LOC128125817: variants seen among roughly 807,000 people sequenced by gnomAD.
the LOC128125817 span, among the ~76,000 whole-genome samples, chr1:41,602,100 G>A: frequency 1.3e-5 from 2 of 152,094 alleles, no homozygotes; most frequent in Non-Finnish European, 2.9e-5. Context: ...ATCCCACTTG[G>A]TCATGGTGTA....
the LOC128125817 span, among the ~76,000 whole-genome samples, chr1:41,612,547 G>C: frequency 1.1e-4 from 16 of 152,306 alleles, no homozygotes; most frequent in South Asian, 2.9e-3. Flanking sequence ...TGAGGAAACA[G>C]AGGTTCAGAG....
chr1:41,595,038 C>A, the LOC128125817 span, among the ~76,000 whole-genome samples: 1 of 152,344 alleles, frequency 6.6e-6, no homozygotes, highest in East Asian at 1.9e-4. Context: ...AGCACAGGTT[C>A]TAGCCCTATT....
chr1:41,598,294 A>T, the LOC128125817 span, among the ~76,000 whole-genome samples: 5 of 152,144 alleles, frequency 3.3e-5, no homozygotes, highest in Admixed American at 2.0e-4. Context: ...CTTTGATGGC[A>T]TTTTGTTTCT....
At chr1:41,623,990 C>T in the LOC128125817 span, among the ~76,000 whole-genome samples, 23 of 152,002 alleles carry the variant, frequency 1.5e-4, no homozygotes, top group Non-Finnish European at 2.4e-4. Flanking sequence ...TTCAAAGGCG[C>T]GGGCCAGAGG....
the LOC128125817 span, among the ~76,000 whole-genome samples, chr1:41,613,635 T>C: frequency 1.3e-5 from 2 of 152,268 alleles, no homozygotes; most frequent in African/African-American, 4.8e-5. Flanking sequence ...AAACTTTGAG[T>C]ATCTTTCTCA....
At chr1:41,585,501 G>C in the LOC128125817 span, among the ~76,000 whole-genome samples, 1 of 152,130 alleles carries the variant, frequency 6.6e-6, no homozygotes, top group African/African-American at 2.4e-5. Context: ...TCCAAGCCCT[G>C]CAATTCTTTC....
the LOC128125817 span, among the ~76,000 whole-genome samples, chr1:41,618,244 C>A: frequency 6.6e-6 from 1 of 152,376 alleles, no homozygotes; most frequent in African/African-American, 2.4e-5. Context: ...GGCTGCCACA[C>A]AGAAGAGTCT....
At chr1:41,621,433 G>A in the LOC128125817 span, among the ~76,000 whole-genome samples, 1 of 152,240 alleles carries the variant, frequency 6.6e-6, no homozygotes, top group Non-Finnish European at 1.5e-5. Flanking sequence ...TGTCTCCCAA[G>A]GGAGGGCCTG....
chr1:41,589,935 G>C, the LOC128125817 span, among the ~76,000 whole-genome samples: 5 of 152,194 alleles, frequency 3.3e-5, no homozygotes, highest in African/African-American at 1.2e-4. Flanking sequence ...TAATACCTGG[G>C]AACCCAGGGC....
the LOC128125817 span, among the ~76,000 whole-genome samples, chr1:41,602,622 C>T: frequency 6.6e-6 from 1 of 151,982 alleles, no homozygotes; most frequent in African/African-American, 2.4e-5. Flanking sequence ...TGAGTCTCCT[C>T]TCTTTTTTTC....
At chr1:41,613,292 G>A in the LOC128125817 span, among the ~76,000 whole-genome samples, 931 of 152,366 alleles carry the variant, frequency 6.1e-3, 5 homozygotes, top group African/African-American at 0.022. Context: ...CTCTCCAGAG[G>A]CAATGACAGT....
the LOC128125817 span, among the ~76,000 whole-genome samples, chr1:41,612,629 A>G: frequency 3.3e-5 from 5 of 152,182 alleles, no homozygotes; most frequent in African/African-American, 1.2e-4. Context: ...TCAAGGATTC[A>G]TGGTGTTCCC....
chr1:41,586,672 G>A, the LOC128125817 span, among the ~76,000 whole-genome samples: 1 of 152,190 alleles, frequency 6.6e-6, no homozygotes, highest in African/African-American at 2.4e-5. Context: ...CTCAGAAGAC[G>A]AACAAGTCTT....
the LOC128125817 span, among the ~76,000 whole-genome samples, chr1:41,609,408 T>C: frequency 6.6e-6 from 1 of 152,236 alleles, no homozygotes; most frequent in Non-Finnish European, 1.5e-5. Context: ...ATGACCCGAC[T>C]GCCTAAGGGC....
the LOC128125817 span, among the ~76,000 whole-genome samples, chr1:41,590,794 G>A: frequency 1.3e-5 from 2 of 152,176 alleles, no homozygotes; most frequent in Admixed American, 1.3e-4. Flanking sequence ...GCACAAGACA[G>A]GCACCTGTAG....
chr1:41,620,998 C>T, the LOC128125817 span, among the ~76,000 whole-genome samples: 1 of 152,322 alleles, frequency 6.6e-6, no homozygotes, highest in African/African-American at 2.4e-5. Flanking sequence ...CAGCCCCACA[C>T]CTGCAAGTAA....
chr1:41,623,480 T>C, the LOC128125817 span, among the ~76,000 whole-genome samples: 4 of 152,226 alleles, frequency 2.6e-5, no homozygotes, highest in Non-Finnish European at 5.9e-5. Flanking sequence ...AACCTAAAAA[T>C]GTCCCTTTTC....
At chr1:41,587,157 G>A in the LOC128125817 span, among the ~76,000 whole-genome samples, 6 of 152,190 alleles carry the variant, frequency 3.9e-5, no homozygotes, top group Non-Finnish European at 5.9e-5. Context: ...CAGGAGCAGT[G>A]AATGATGCAG....
the LOC128125817 span, among the ~76,000 whole-genome samples, chr1:41,599,371 T>A: frequency 6.6e-6 from 1 of 152,192 alleles, no homozygotes; most frequent in African/African-American, 2.4e-5. Context: ...CTTACTCGAT[T>A]GACAAACGCG....
Sources: allele counts gnomAD v4.1 joint callset (sites outside exome capture counted in the v4.1 genomes callset), GRCh38; gene constraint gnomAD v4.1.1; transcripts MANE v1.5.